Variants in RBFOX1 observed in about 807,000 individuals in gnomAD.
RBFOX1 encodes RNA binding protein fox-1 homolog 1.
Under a neutral mutation model 57.7 loss-of-function variants are expected in RBFOX1, and 8 were observed. The observed-to-expected ratio is 0.14, with a 90% CI of 0.08 to 0.25. The LOEUF (loss-of-function observed/expected upper bound fraction) is 0.25, where lower values mean the gene tolerates loss of function less well. Ranked by LOEUF, RBFOX1 falls within the 10% of genes least tolerant of loss-of-function variation. RBFOX1 has a pLI of 1.00. For missense variants in RBFOX1, 611 were observed against 548.5 expected (o/e 1.11, Z -1.14); for synonymous variants, 326 against 222.4 (o/e 1.47, Z -4.15).
chr16:7,179,124 A>C (rs1441339684), intron 4 of RBFOX1, among the ~76,000 whole-genome samples: 1 of 152,066 alleles, frequency 6.6e-6, no homozygotes, highest in Admixed American at 6.6e-5. Context: ...AGATTACTCG[A>C]GGCATCCGGA....
chr16:5,863,532 G>A (rs554512206), intron 3 of RBFOX1, among the ~76,000 whole-genome samples: 3 of 152,208 alleles, frequency 2.0e-5, no homozygotes, highest in Admixed American at 6.5e-5. Flanking sequence ...ACAGTGGGTC[G>A]TGACAAACCC....
intron 4 of RBFOX1, among the ~76,000 whole-genome samples, chr16:7,298,296 T>G (rs932810908): frequency 3.8e-4 from 56 of 148,342 alleles, no homozygotes; most frequent in African/African-American, 1.0e-3. Flanking sequence ...TTTTTTTTTT[T>G]TTTTTTTTTT....
At chr16:5,867,147 T>C (rs1021528670) in intron 3 of RBFOX1, among the ~76,000 whole-genome samples, 1 of 137,532 alleles carries the variant, frequency 7.3e-6, no homozygotes, top group South Asian at 2.2e-4. Flanking sequence ...TGGAAGAAAA[T>C]GCATGTGTGT....
intron 3 of RBFOX1, among the ~76,000 whole-genome samples, chr16:6,793,178 T>C (rs768301114): frequency 6.6e-6 from 1 of 152,220 alleles, no homozygotes; most frequent in Non-Finnish European, 1.5e-5. Context: ...ACAGATAATA[T>C]GATCCTGTTG....
chr16:5,467,294 G>C (rs543612607), intron 2 of RBFOX1: 1 of 1,453,420 alleles, frequency 6.9e-7, no homozygotes, highest in Non-Finnish European at 9.3e-7. Flanking sequence ...TGTCTGTGAA[G>C]TCTAGTGGAA....
intron 2 of RBFOX1, among the ~76,000 whole-genome samples, chr16:5,526,791 C>T (rs1448697915): frequency 1.3e-5 from 2 of 152,186 alleles, no homozygotes; most frequent in African/African-American, 4.8e-5. Context: ...ACACTAGTGT[C>T]CATAACGTGT....
intron 1 of RBFOX1, among the ~76,000 whole-genome samples, chr16:6,271,082 A>G (rs2075152923): frequency 1.3e-5 from 2 of 152,334 alleles, no homozygotes; most frequent in Admixed American, 6.5e-5. Flanking sequence ...AATACATTAG[A>G]GAAGAGGAAA....
intron 2 of RBFOX1, among the ~76,000 whole-genome samples, chr16:5,538,076 A>G (rs545507049): frequency 2.6e-4 from 40 of 152,284 alleles, no homozygotes; most frequent in African/African-American, 9.6e-4. Flanking sequence ...GAGCAGTCAT[A>G]TCCTGACCCC....
intron 2 of RBFOX1, among the ~76,000 whole-genome samples, chr16:6,507,155 C>G (rs992751944): frequency 3.3e-5 from 5 of 152,166 alleles, no homozygotes; most frequent in East Asian, 3.8e-4. Flanking sequence ...TTCCTCACCT[C>G]CACTGCAGAG....
At chr16:7,379,620 A>G (rs910056017) in intron 4 of RBFOX1, among the ~76,000 whole-genome samples, 7 of 152,226 alleles carry the variant, frequency 4.6e-5, no homozygotes, top group Admixed American at 1.3e-4. Flanking sequence ...TGTCTGTTGT[A>G]GAGGTGAGGC....
chr16:7,040,025 T>C lies in RBFOX1; in HGVS notation c.-15-12032T>C, dbSNP rs12923701. On this transcript the variant is annotated intron_variant, in intron 3 of 15. Transcript: ENST00000550418. Reference sequence around the variant, plus strand: ...ATTTTATTATTATTATTATTATCATTATTATTATTATTTTGAGACAAAGTC... The same window carrying C: ...ATTTTATTATTATTATTATTATCATCATTATTATTATTTTGAGACAAAGTC... Among the ~76,000 whole-genome samples the C allele has an allele frequency of 2.5e-4, 27 of 107,796 alleles. No individual in the cohort carries two copies. The South Asian group carries it at 7.6e-3, about 30-fold the overall frequency. 70.7% of individuals were successfully genotyped at this position (107,796 alleles called of 152,430 possible).
At chr16:7,133,385 G>C (rs773032573) in intron 4 of RBFOX1, among the ~76,000 whole-genome samples, 4 of 152,168 alleles carry the variant, frequency 2.6e-5, no homozygotes, top group Non-Finnish European at 5.9e-5. Flanking sequence ...GAACATATTG[G>C]TTGAAGATCA....
intron 14 of RBFOX1, among the ~76,000 whole-genome samples, chr16:7,689,063 G>C (rs2076760322): frequency 6.6e-6 from 1 of 152,032 alleles, no homozygotes; most frequent in Admixed American, 6.6e-5. Flanking sequence ...CCATGCCTCA[G>C]TTTCGTCATC....
intron 4 of RBFOX1, among the ~76,000 whole-genome samples, chr16:7,419,053 C>T (rs998217257): frequency 6.6e-5 from 10 of 152,062 alleles, no homozygotes; most frequent in African/African-American, 2.2e-4. Flanking sequence ...TACAGGTGTT[C>T]GTCACCACGC....
In RBFOX1 at chr16:5,748,904, C is replaced by G. The variant is rs372378722; in HGVS notation, c.319-118399C>G. On this transcript the variant is annotated intron_variant, in intron 3 of 19. Coordinates refer to the RBFOX1 transcript ENST00000641259. ...TAATATTGTTATGTGTGAATTTGTT[C>G]CTGTCATTATGATGTTAGCTGGTTA... Among the ~76,000 whole-genome samples the G allele has an allele frequency of 1.6e-4, 25 of 152,214 alleles. 1 individual carries two copies. In the South Asian group the frequency reaches 5.2e-3, roughly 32 times the overall value.
chr16:6,369,170 G>A (rs1337707683), intron 2 of RBFOX1, among the ~76,000 whole-genome samples: 1 of 152,142 alleles, frequency 6.6e-6, no homozygotes, highest in Non-Finnish European at 1.5e-5. Flanking sequence ...TTACTAACTT[G>A]GGCATAGGAA....
chr16:5,888,970 G>A (rs1432076229), intron 4 of RBFOX1, among the ~76,000 whole-genome samples: 2 of 152,038 alleles, frequency 1.3e-5, no homozygotes, highest in African/African-American at 4.8e-5. Context: ...TGGGCTGTGA[G>A]GTTCCCTTTG....
At chr16:6,823,373 C>T (rs1172172162) in intron 3 of RBFOX1, among the ~76,000 whole-genome samples, 1 of 152,004 alleles carries the variant, frequency 6.6e-6, no homozygotes, top group African/African-American at 2.4e-5. Context: ...TCTCCTGCCT[C>T]AGCCTCCCAA....
chr16:5,891,661 A>G lies in RBFOX1; in HGVS notation c.351+24326A>G, dbSNP rs1283880656. 2.6e-5 allele frequency among the ~76,000 whole-genome samples: 4 copies of G among 152,120 alleles called. No individual in the cohort carries two copies. The South Asian group carries it at 6.2e-4, about 24-fold the overall frequency. ...CCGAGGGAATCTCTGGGTCCTGGCC[A>G]TGTGCCTAGGAAGAGCAGAGACTGG... On this transcript the variant is annotated intron_variant, in intron 4 of 19. Transcript: ENST00000641259.
Sources: gnomAD v4.1 joint callset for allele counts (sites outside exome capture counted in the v4.1 genomes callset) on GRCh38, gnomAD v4.1.1 for gene constraint, MANE v1.5 for transcripts, NCBI Gene and HGNC (gene_info 2026-07-23, HGNC 2026-07-21) for gene names.